LYZL1: variants seen among roughly 807,000 people sequenced by gnomAD.
The protein encoded by LYZL1 is lysozyme-like protein 1.
In LYZL1, 16 loss-of-function variants were observed where a neutral mutation model predicts 17.9. The ratio of observed to expected loss-of-function variants is 0.90; its 90% CI spans 0.61 to 1.36. The LOEUF is 1.36. Ranked by LOEUF, LYZL1 falls within the 40% of genes most tolerant of loss-of-function variation. LYZL1 has a pLI of 0.00. For synonymous variants in LYZL1, 58 were observed against 71.8 expected (o/e 0.81, Z 0.97); for missense variants, 149 against 188.4 (o/e 0.79, Z 1.22).
At position 29,292,676 on chromosome 10, in the gene LYZL1, A is replaced by G; in HGVS notation, c.297A>G (p.Ser99=). 1 of 1,612,654 alleles carries G rather than the reference A, an allele frequency of 6.2e-7. No individual in the cohort carries two copies. The highest frequency in any genetic ancestry group is 8.5e-7 in the Non-Finnish European group (1 of 1,179,178). The change falls in exon 3 of 5, where the codon TCA becomes TCG. Residue 99 remains serine (S), a splice_region_variant and synonymous_variant. Transcript: ENST00000649382. ...KENNHCHVAC[S]ALITDDLTDA... is the part of the protein sequence containing the mutation. ...ACAACCACTGCCATGTCGCCTGCTC[A>G]GGTGAGGCTCTGACTTTCCAGTGAT...
downstream of LYZL1, chr10:29,311,255 T>C (rs1835669104): frequency 6.2e-6 from 9 of 1,449,400 alleles, no homozygotes; most frequent in Admixed American, 2.3e-4. Context: ...AATGATGTCA[T>C]AATAGCATGG....
intron 3 of LYZL1, among the ~76,000 whole-genome samples, chr10:29,299,592 G>A (rs2132823164): frequency 6.6e-6 from 1 of 152,084 alleles, no homozygotes; most frequent in East Asian, 1.9e-4. Context: ...GTCCATTTTT[G>A]AAGCTTTGTT....
chr10:29,309,832 C>A (rs1322750187), intron 3 of LYZL1, among the ~76,000 whole-genome samples: 3 of 152,210 alleles, frequency 2.0e-5, no homozygotes, highest in African/African-American at 7.2e-5. Flanking sequence ...AACATTCTTG[C>A]ATGGCATTTT....
intron 3 of LYZL1, among the ~76,000 whole-genome samples, chr10:29,297,420 C>G (rs570439510): frequency 1.9e-4 from 29 of 152,304 alleles, no homozygotes; most frequent in African/African-American, 7.0e-4. Flanking sequence ...CACTCCTTGT[C>G]TATGGTTTTG....
Position 29,303,084 on chromosome 10 carries a change from C to T in LYZL1, c.299-7026C>T, listed in dbSNP as rs1317203638. On this transcript the variant is annotated intron_variant, in intron 3 of 4. Coordinates refer to ENST00000649382, the MANE Select transcript of LYZL1 (RefSeq NM_032517.6). ...TCCAGCCCCGCGAGGTCTGTAATTG[C>T]CCTGTTCCCTGGGGTAGTTCTCTGC... Among the ~76,000 whole-genome samples, 9 of 152,260 alleles carry T rather than the reference C, an allele frequency of 5.9e-5. No individual in the cohort carries two copies. The East Asian group carries it at 1.7e-3, about 29-fold the overall frequency.
chr10:29,290,277 A>G (rs61839220), intron 1 of LYZL1, among the ~76,000 whole-genome samples: 17,114 of 152,218 alleles, frequency 0.11, 1,172 homozygotes, highest in Middle Eastern at 0.22. Flanking sequence ...AGGCTGTTGT[A>G]TTTGGGGAAG....
chr10:29,306,863 A>T (rs917420125), intron 3 of LYZL1, among the ~76,000 whole-genome samples: 1 of 142,144 alleles, frequency 7.0e-6, no homozygotes, highest in African/African-American at 2.7e-5. Flanking sequence ...AGAGAGAGAG[A>T]GAGAAGAACA....
intron 3 of LYZL1, among the ~76,000 whole-genome samples, chr10:29,302,104 T>C (rs1330487792): frequency 6.6e-6 from 1 of 152,226 alleles, no homozygotes; most frequent in African/African-American, 2.4e-5. Flanking sequence ...TAGAATCAAC[T>C]GTCATTTCTG....
intron 3 of LYZL1, among the ~76,000 whole-genome samples, chr10:29,306,796 ATGTGTGTG>A (rs35332190): frequency 2.8e-5 from 4 of 141,184 alleles, no homozygotes; most frequent in African/African-American, 1.1e-4. Flanking sequence ...CCGCTTATGT[ATGTGTGTG>A]TGTGTGTGTG....
chr10:29,291,546 T>TAA (rs145176171), intron 1 of LYZL1, among the ~76,000 whole-genome samples: 24,511 of 151,240 alleles, frequency 0.16, 2,035 homozygotes, highest in Middle Eastern at 0.23. Flanking sequence ...ATAGAAATCC[T>TAA]AAAAATGCCC....
rs1835326419 is a variant in LYZL1 at position 29,289,218 on chromosome 10, A to T, written c.-38A>T. ...TCAGCCTCTGGGGCAGGCACCAGGA[A>T]TCTGCCTTTTCAGTAAGACCTAAAT... is the stretch of plus-strand genomic sequence containing the variant. On this transcript the variant is annotated 5_prime_UTR_variant, in exon 1 of 5. Coordinates refer to ENST00000649382, the MANE Select transcript of LYZL1 (RefSeq NM_032517.6). 6.3e-7 allele frequency: 1 copy of T among 1,586,546 alleles called. No homozygotes were observed. Among genetic ancestry groups the T allele is most frequent in the African/African-American group, 1.4e-5 (1 of 72,766 alleles).
intron 3 of LYZL1, among the ~76,000 whole-genome samples, chr10:29,295,617 G>T (rs886216594): frequency 5.9e-5 from 9 of 152,228 alleles, no homozygotes; most frequent in Non-Finnish European, 1.5e-5. Context: ...GAACTTTGCA[G>T]ATGTGAGGAA....
chr10:29,304,158 A>C (rs1835558653), intron 3 of LYZL1, among the ~76,000 whole-genome samples: 2 of 152,206 alleles, frequency 1.3e-5, no homozygotes. Flanking sequence ...TGGACAGAAA[A>C]TTGATGCTAT....
intron 3 of LYZL1, among the ~76,000 whole-genome samples, chr10:29,297,450 C>T (rs1444005174): frequency 6.6e-6 from 1 of 152,174 alleles, no homozygotes; most frequent in Admixed American, 6.5e-5. Context: ...GTTTCAGTTA[C>T]TCATGGTCAT....
chr10:29,301,537 T>A (rs1351320080), intron 3 of LYZL1, among the ~76,000 whole-genome samples: 1 of 152,196 alleles, frequency 6.6e-6, no homozygotes, highest in Non-Finnish European at 1.5e-5. Context: ...GCCTTGTGTA[T>A]GATGGGAAAC....
intron 3 of LYZL1, among the ~76,000 whole-genome samples, chr10:29,295,370 T>G (rs1835433864): frequency 6.6e-6 from 1 of 152,246 alleles, no homozygotes; most frequent in Non-Finnish European, 1.5e-5. Context: ...TCTGGTTTCT[T>G]ATCTTCTGAG....
downstream of LYZL1, among the ~76,000 whole-genome samples, chr10:29,313,998 T>C (rs1004939741): frequency 6.6e-6 from 1 of 152,232 alleles, no homozygotes; most frequent in Non-Finnish European, 1.5e-5. Context: ...CCCAACTTGT[T>C]CCCTGTTGTT....
intron 3 of LYZL1, among the ~76,000 whole-genome samples, chr10:29,305,812 G>C (rs1025289365): frequency 6.6e-6 from 1 of 152,154 alleles, no homozygotes; most frequent in Admixed American, 6.5e-5. Flanking sequence ...TTGCTTAAAA[G>C]AAATCTGTCA....
intron 3 of LYZL1, among the ~76,000 whole-genome samples, chr10:29,303,083 G>A (rs192445372): frequency 5.0e-4 from 76 of 152,246 alleles, no homozygotes; most frequent in African/African-American, 1.7e-3. Context: ...GTCTGTAATT[G>A]CCCTGTTCCC....
Sources: gnomAD v4.1 joint callset for allele counts (sites outside exome capture counted in the v4.1 genomes callset) on GRCh38, gnomAD v4.1.1 for gene constraint, MANE v1.5 for transcripts, NCBI Gene and HGNC (gene_info 2026-07-23, HGNC 2026-07-21) for gene names.